Variants in SLC38A6 observed in about 807,000 individuals in gnomAD.
The protein encoded by SLC38A6 is solute carrier family 38 member 6.
In SLC38A6, 73 loss-of-function variants were observed where a neutral mutation model predicts 65.0. The observed-to-expected ratio is 1.12, with a 90% confidence interval of 0.93 to 1.37. The LOEUF (loss-of-function observed/expected upper bound fraction) is 1.37. Among genes scored for constraint, SLC38A6 ranks in the 40% most tolerant of loss-of-function variants. SLC38A6 has a pLI of 0.00. For synonymous variants in SLC38A6, 183 were observed against 178.8 expected (o/e 1.02, Z -0.19); for missense variants, 561 against 531.1 (o/e 1.06, Z -0.55).
At chr14:61,054,436 T>A (rs2042637276), downstream of SLC38A6, among the ~76,000 whole-genome samples, 1 of 152,218 alleles carries the variant, frequency 6.6e-6, no homozygotes, top group South Asian at 2.1e-4. Flanking sequence ...TTTATAGGAA[T>A]AGCATTGAAT....
chr14:61,026,092 T>A (rs886588679), intron 5 of SLC38A6, among the ~76,000 whole-genome samples: 2 of 152,158 alleles, frequency 1.3e-5, no homozygotes, highest in Non-Finnish European at 2.9e-5. Context: ...AAAAAGATTC[T>A]TATCTTCATA....
intron 1 of SLC38A6, 67 bp downstream of exon 1, chr14:60,981,449 A>G: frequency 6.5e-7 from 1 of 1,546,768 alleles, no homozygotes; most frequent in South Asian, 1.2e-5. Context: ...CTGCCAAATA[A>G]GACCCAGAAA....
At chr14:61,075,697 G>C (rs149574349) in intron 15 of SLC38A6, among the ~76,000 whole-genome samples, 2 of 151,472 alleles carry the variant, frequency 1.3e-5, no homozygotes, top group African/African-American at 4.9e-5. Flanking sequence ...TTCCCCTTAC[G>C]GTCATCTTGC....
chr14:60,983,697 C>T (rs1323227996), intron 2 of SLC38A6, among the ~76,000 whole-genome samples: 3 of 152,016 alleles, frequency 2.0e-5, no homozygotes, highest in Non-Finnish European at 4.4e-5. Flanking sequence ...ACCCAACTTG[C>T]TTTTATTATG....
At position 60,991,703 on chromosome 14, in the gene SLC38A6, C is replaced by T. The variant is rs187349564; in HGVS notation, c.310+6900C>T. Among the ~76,000 whole-genome samples the T allele has an allele frequency of 2.8e-4, 43 of 152,316 alleles. 1 individual carries two copies. Among genetic ancestry groups the T allele is most frequent in the Admixed American group, 4.6e-4 (7 of 15,300 alleles). On this transcript the variant is annotated intron_variant, in intron 3 of 15. Transcript: ENST00000267488. ...AAGGCTTTGACAAATCTTACCTCTT[C>T]TGTGAGGTCTTTTTATACAATCTCA...
Position 61,015,920 on chromosome 14 carries a change from A to G in SLC38A6, c.327A>G (p.Glu109=), listed in dbSNP as rs1388625399. ...MCIQTAVTSY[E]DLGLFAFGLP... The stretch of plus-strand genomic sequence containing the variant: ...TCTTAACAGCTGTAACATCTTATGA[A>G]GATCTTGGACTCTTTGCATTTGGAT... Residue 109 remains glutamate (E), a synonymous_variant, in exon 4 of 16, where the codon GAA becomes GAG. Coordinates refer to ENST00000267488, the MANE Select transcript of SLC38A6 (RefSeq NM_153811.3). 2 of 1,608,234 alleles carry G rather than the reference A, an allele frequency of 1.2e-6. No individual in the cohort carries two copies. The highest frequency in any genetic ancestry group is 4.5e-5 in the East Asian group (2 of 44,692).
chr14:61,054,571 C>A (rs193176864), downstream of SLC38A6, among the ~76,000 whole-genome samples: 2 of 152,066 alleles, frequency 1.3e-5, no homozygotes, highest in Non-Finnish European at 2.9e-5. Flanking sequence ...TTATAATTCT[C>A]ATTGTAGAAA....
intron 4 of SLC38A6, among the ~76,000 whole-genome samples, chr14:61,017,422 C>T (rs1388322911): frequency 6.6e-6 from 1 of 152,146 alleles, no homozygotes; most frequent in Non-Finnish European, 1.5e-5. Flanking sequence ...TCACCTGAAA[C>T]TTAAACAAAA....
At chr14:61,021,512 C>T (rs1355986073) in intron 5 of SLC38A6, among the ~76,000 whole-genome samples, 1 of 152,080 alleles carries the variant, frequency 6.6e-6, no homozygotes, top group African/African-American at 2.4e-5. Context: ...GCTCCTTAGC[C>T]CTGAAAACAT....
chr14:60,992,969 C>T (rs932852270), intron 3 of SLC38A6, among the ~76,000 whole-genome samples: 9 of 152,002 alleles, frequency 5.9e-5, no homozygotes, highest in African/African-American at 2.2e-4. Flanking sequence ...GCCTCAGCCT[C>T]CCAAGTAGCT....
chr14:61,004,857 T>TA (rs2038974893), intron 3 of SLC38A6, among the ~76,000 whole-genome samples: 1 of 152,160 alleles, frequency 6.6e-6, no homozygotes, highest in Non-Finnish European at 1.5e-5. Flanking sequence ...ATCATCCTGA[T>TA]ACCAAAGCCA....
At chr14:61,061,266 C>A (rs1431190710) in intron 15 of SLC38A6, among the ~76,000 whole-genome samples, 1 of 152,184 alleles carries the variant, frequency 6.6e-6, no homozygotes, top group African/African-American at 2.4e-5. Context: ...GTTGAACCAA[C>A]CTTGCATCCC....
At chr14:61,080,782 C>T (rs564326800) in intron 16 of SLC38A6, among the ~76,000 whole-genome samples, 77 of 152,304 alleles carry the variant, frequency 5.1e-4, no homozygotes, top group Non-Finnish European at 9.8e-4. Flanking sequence ...GGTTTCGCTC[C>T]ATTTTACTGC....
intron 3 of SLC38A6, among the ~76,000 whole-genome samples, chr14:61,011,017 A>G (rs906688644): frequency 6.6e-6 from 1 of 152,166 alleles, no homozygotes; most frequent in Admixed American, 6.5e-5. Context: ...ACCCATGCGC[A>G]TGGAATGTTC....
chr14:61,006,304 C>T (rs1478618624), intron 3 of SLC38A6, among the ~76,000 whole-genome samples: 1 of 152,152 alleles, frequency 6.6e-6, no homozygotes, highest in Non-Finnish European at 1.5e-5. Flanking sequence ...AAAGCAATGG[C>T]AACAAAAGCC....
chr14:61,083,574 G>A lies in SLC38A6; in HGVS notation c.1428G>A (p.Met476Ile), dbSNP rs1490293914. The A allele has an allele frequency of 1.9e-6, 3 of 1,550,378 alleles. No individual in the cohort carries two copies. The Admixed American group carries it at 5.9e-5, about 30-fold the overall frequency. ...GAAAAGGAAGAGATACCATGGAGATGTGCACCCAGAGGAAAGGCCACGCAA... is the reference window on the plus strand; with the variant it reads ...GAAAAGGAAGAGATACCATGGAGATATGCACCCAGAGGAAAGGCCACGCAA... The change falls in exon 17 of 17, where the codon ATG becomes ATA. Residue 476 changes from methionine to isoleucine, a missense_variant. By Grantham distance (10) the Met-to-Ile change is conservative. Transcript: ENST00000354886.
chr14:60,984,491 A>G lies in SLC38A6; in HGVS notation c.237-239A>G, dbSNP rs181965773. On this transcript the variant is annotated intron_variant, in intron 2 of 15. Transcript: ENST00000267488. ...AATGAGGAAGTTTGCTTGTATTTTTAAAAAAGTTTGGTTTTTATTTTTTTT... is the reference window on the plus strand; with the variant it reads ...AATGAGGAAGTTTGCTTGTATTTTTGAAAAAGTTTGGTTTTTATTTTTTTT... Among the ~76,000 whole-genome samples, 18 of 150,922 alleles carry G rather than the reference A, an allele frequency of 1.2e-4. No individual in the cohort carries two copies. The East Asian group carries it at 3.3e-3, about 27-fold the overall frequency.
chr14:61,002,193 G>A lies in SLC38A6; in HGVS notation c.311-13711G>A, dbSNP rs1274781492. ...AATGTTCCTAGTATTCTAGCATTCT[G>A]TTTTCTGTGTTGAGTGTTTTAAAAT... On this transcript the variant is annotated intron_variant, in intron 3 of 15. Transcript: ENST00000267488. The A allele has an allele frequency of 2.0e-5, 3 of 152,142 alleles. No homozygotes were observed. In the East Asian group the frequency reaches 5.8e-4, roughly 29 times the overall value. The allele number at this position is 152,142 out of a possible 1,614,324, so 9.4% of individuals were successfully genotyped here.
intron 15 of SLC38A6, among the ~76,000 whole-genome samples, chr14:61,067,111 T>G (rs1414201852): frequency 6.6e-6 from 1 of 152,208 alleles, no homozygotes; most frequent in Non-Finnish European, 1.5e-5. Context: ...TATACATATG[T>G]TTTTAAAAAA....
Sources: gnomAD v4.1 joint callset for allele counts (sites outside exome capture counted in the v4.1 genomes callset) on GRCh38, gnomAD v4.1.1 for gene constraint, MANE v1.5 for transcripts, NCBI Gene and HGNC (gene_info 2026-07-23, HGNC 2026-07-21) for gene names.